The following PTPRG variants were observed in gnomAD, a reference collection of about 807,000 sequenced individuals.
PTPRG encodes the protein receptor-type tyrosine-protein phosphatase gamma.
In PTPRG, 102 loss-of-function variants were observed where a neutral mutation model predicts 165.3. The observed-to-expected ratio is 0.62, with a 90% CI of 0.53 to 0.73. The LOEUF is 0.73. PTPRG is among the 30% of genes least tolerant of loss of function. The pLI is 0.00. For missense variants in PTPRG, 1,866 were observed against 1,861.4 expected (o/e 1.00, Z -0.05); for synonymous variants, 675 against 669.5 (o/e 1.01, Z -0.13).
intron 3 of PTPRG, among the ~76,000 whole-genome samples, chr3:62,000,364 C>A (rs1278711125): frequency 2.0e-5 from 3 of 151,580 alleles, no homozygotes; most frequent in Admixed American, 2.0e-4. Flanking sequence ...TATATTCTTA[C>A]CCAGGGCAGA....
intron 1 of PTPRG, among the ~76,000 whole-genome samples, chr3:61,730,216 A>G (rs183330955): frequency 3.3e-5 from 5 of 152,200 alleles, no homozygotes; most frequent in Non-Finnish European, 7.3e-5. Context: ...GCTGGAGCCC[A>G]CCAACTGTTG....
At chr3:61,923,319 A>C (rs1302492609) in intron 2 of PTPRG, among the ~76,000 whole-genome samples, 3 of 152,200 alleles carry the variant, frequency 2.0e-5, no homozygotes, top group Admixed American at 2.0e-4. Flanking sequence ...TTAACCGTAC[A>C]TCATATTTGC....
Position 62,109,883 on chromosome 3 carries a change from C to T in PTPRG, c.616-22719C>T, listed in dbSNP as rs541721028. 3.9e-5 allele frequency among the ~76,000 whole-genome samples: 6 copies of T among 152,232 alleles called. No homozygotes were observed. In the South Asian group the frequency reaches 1.0e-3, roughly 26 times the overall value. Reference sequence around the variant, plus strand: ...GGTATGTGCTGGTCCGCTCTCACTCCACAGAGTTTCTTCATCACCTAGTGG... The same window carrying T: ...GGTATGTGCTGGTCCGCTCTCACTCTACAGAGTTTCTTCATCACCTAGTGG... On this transcript the variant is annotated intron_variant, in intron 5 of 29. Transcript: ENST00000474889.
At chr3:61,950,430 G>A (rs2039871882) in intron 2 of PTPRG, among the ~76,000 whole-genome samples, 1 of 152,218 alleles carries the variant, frequency 6.6e-6, no homozygotes, top group South Asian at 2.1e-4. Context: ...TTTAGACATA[G>A]TAGGTGTTCA....
At position 62,254,235 on chromosome 3, in the gene PTPRG, A is replaced by T. The variant is rs1160887224; in HGVS notation, c.2468-889A>T. ...AAGATCTTTCACTCTGAATAAAGTAAATGTCATGTCTGTTGTTTATCTCAA... is the reference window on the plus strand; with the variant it reads ...AAGATCTTTCACTCTGAATAAAGTATATGTCATGTCTGTTGTTTATCTCAA... On this transcript the variant is annotated intron_variant, in intron 15 of 29. Transcript: ENST00000474889. The surrounding 1 kb of genome is among the most constrained non-coding windows in gnomAD (Gnocchi z 4.6). Among the ~76,000 whole-genome samples, 1 of 152,162 alleles carries T rather than the reference A, an allele frequency of 6.6e-6. No homozygotes were observed. Among genetic ancestry groups the T allele is most frequent in the Non-Finnish European group, 1.5e-5 (1 of 68,030 alleles).
At position 61,630,709 on chromosome 3, in the gene PTPRG, G is replaced by A. The variant is rs76292897; in HGVS notation, c.85+68337G>A. On this transcript the variant is annotated intron_variant, in intron 1 of 29. Coordinates refer to ENST00000474889, the MANE Select transcript of PTPRG (RefSeq NM_002841.4). ...ACCACAAGGGTAGAAAGAAATATTC[G>A]CACACTTGCCCCAAAGTGCAAGTGT... 9.1e-3 allele frequency among the ~76,000 whole-genome samples: 1,390 copies of A among 152,140 alleles called. 23 individuals are homozygous for A. The highest frequency in any genetic ancestry group is 0.032 in the African/African-American group (1,321 of 41,524).
At chr3:61,839,884 C>G (rs2036574610) in intron 2 of PTPRG, among the ~76,000 whole-genome samples, 1 of 152,192 alleles carries the variant, frequency 6.6e-6, no homozygotes, top group African/African-American at 2.4e-5. Context: ...TCACACCCTT[C>G]AATGCATTTG....
chr3:61,907,966 A>G (rs2038699200), intron 2 of PTPRG, among the ~76,000 whole-genome samples: 1 of 151,666 alleles, frequency 6.6e-6, no homozygotes, highest in African/African-American at 2.4e-5. Context: ...GTGGAAAGTA[A>G]AACAATTAGC....
intron 28 of PTPRG, among the ~76,000 whole-genome samples, chr3:62,287,155 C>CAGAT (rs1702695073): frequency 1.3e-5 from 2 of 152,104 alleles, no homozygotes; most frequent in East Asian, 1.9e-4. Context: ...TGGCTGGCCA[C>CAGAT]AGATAGCTTT....
At chr3:61,951,609 T>G (rs1559709322) in intron 2 of PTPRG, among the ~76,000 whole-genome samples, 1 of 152,188 alleles carries the variant, frequency 6.6e-6, no homozygotes, top group African/African-American at 2.4e-5. Context: ...CCTAATTTCC[T>G]GTGTATTTCC....
At chr3:62,206,760 C>G (rs1700239793) in intron 12 of PTPRG, among the ~76,000 whole-genome samples, 1 of 151,768 alleles carries the variant, frequency 6.6e-6, no homozygotes, top group African/African-American at 2.4e-5. Context: ...TGGTGAAACC[C>G]CGTCTCTAGA....
intron 2 of PTPRG, among the ~76,000 whole-genome samples, chr3:61,958,958 G>A (rs1224244435): frequency 6.6e-6 from 1 of 152,176 alleles, no homozygotes; most frequent in East Asian, 1.9e-4. Context: ...GGACTCAGTG[G>A]AGAGAGGGGC....
chr3:62,191,249 G>C (rs1195068236), intron 8 of PTPRG, among the ~76,000 whole-genome samples: 1 of 151,844 alleles, frequency 6.6e-6, no homozygotes, highest in Non-Finnish European at 1.5e-5. Flanking sequence ...TTGCACACGT[G>C]TGTGTGCATC....
intron 1 of PTPRG, chr3:61,743,176 T>A: frequency 1.2e-6 from 1 of 804,366 alleles, no homozygotes; most frequent in Non-Finnish European, 2.1e-6. Context: ...TGCTTCGGGC[T>A]GGAAATGAGG....
intron 2 of PTPRG, among the ~76,000 whole-genome samples, chr3:61,843,194 A>G (rs975852223): frequency 1.4e-4 from 22 of 152,230 alleles, no homozygotes; most frequent in Non-Finnish European, 1.3e-4. Context: ...AAAATGGCCA[A>G]GTTAATCTAT....
At chr3:61,906,161 A>G (rs1378547066) in intron 2 of PTPRG, among the ~76,000 whole-genome samples, 1 of 151,972 alleles carries the variant, frequency 6.6e-6, no homozygotes, top group African/African-American at 2.4e-5. Context: ...TTTAAAAATT[A>G]TAGGGACTTG....
intron 2 of PTPRG, among the ~76,000 whole-genome samples, chr3:61,937,587 G>T (rs569445845): frequency 6.6e-6 from 1 of 152,194 alleles, no homozygotes; most frequent in African/African-American, 2.4e-5. Flanking sequence ...TCTGATGAAG[G>T]CAGCTGAAGC....
chr3:61,890,423 G>GTTTTTTTTTTTTTTTTTTTTTTTT (rs11328993), intron 2 of PTPRG, among the ~76,000 whole-genome samples: 3 of 119,238 alleles, frequency 2.5e-5, no homozygotes, highest in African/African-American at 9.8e-5. Flanking sequence ...TTTTTTTTTT[G>GTTTTTTTTTTTTTTTTTTTTTTTT]TTTTTTTTTT....
intron 4 of PTPRG, among the ~76,000 whole-genome samples, chr3:62,069,771 T>C (rs1191975146): frequency 1.3e-5 from 2 of 152,006 alleles, no homozygotes; most frequent in African/African-American, 2.4e-5. Context: ...TAAGTTACTC[T>C]AGCTAAGTTG....
Sources: allele counts gnomAD v4.1 joint callset (sites outside exome capture counted in the v4.1 genomes callset), GRCh38; gene constraint gnomAD v4.1.1; non-coding constraint Gnocchi (gnomAD v3.1); transcripts MANE v1.5; gene names NCBI Gene and HGNC (gene_info 2026-07-23, HGNC 2026-07-21).